Variants in ZNF551 observed in about 807,000 individuals in gnomAD.
ZNF551 encodes KOX 23 protein (56 AA).
A neutral mutation model predicts 7.9 loss-of-function variants in ZNF551; 5 were observed. The ratio of observed to expected loss-of-function variants is 0.63; its 90% CI spans 0.33 to 1.33. The LOEUF (loss-of-function observed/expected upper bound fraction) is 1.33, where lower values mean the gene tolerates loss of function less well. ZNF551 is among the 40% of genes most tolerant of loss of function. ZNF551 has a pLI of 0.05. For missense variants in ZNF551, 788 were observed against 825.2 expected, an observed-to-expected ratio of 0.95 and a Z score of 0.55; for synonymous variants, 287 against 277.3, an observed-to-expected ratio of 1.03 and a Z score of -0.35.
chr19:57,684,431 G>A (rs896927093), intron 1 of ZNF551, among the ~76,000 whole-genome samples: 2 of 152,028 alleles, frequency 1.3e-5, no homozygotes. Flanking sequence ...CAAGGGTGAA[G>A]TATGAACCAA....
At chr19:57,685,497 C>A in intron 2 of ZNF551, 112 bp downstream of exon 2, 2 of 1,527,210 alleles carry the variant, frequency 1.3e-6, no homozygotes, top group Non-Finnish European at 1.8e-6. Flanking sequence ...TTGTCTTCCC[C>A]CTGTCAGGAT....
intron 1 of ZNF551, 101 bp downstream of exon 1, chr19:57,682,345 A>T (rs1453447011): frequency 5.5e-6 from 7 of 1,276,930 alleles, no homozygotes; most frequent in Non-Finnish European, 6.4e-6. Context: ...AGGCCCCAGT[A>T]CCCTGGACAA....
In ZNF551 at chr19:57,687,326, A is replaced by G; in HGVS notation, c.1051A>G (p.Ile351Val). The G allele has an allele frequency of 6.2e-7, 1 of 1,614,232 alleles. No individual in the cohort carries two copies. Among genetic ancestry groups the G allele is most frequent in the East Asian group, 2.2e-5 (1 of 44,890 alleles). The change falls in exon 3 of 3, where the codon ATT becomes GTT. Residue 351 changes from isoleucine to valine, a missense_variant. Physicochemically the swap from Ile to Val is conservative, Grantham distance 29. Coordinates refer to ENST00000282296, the MANE Select transcript of ZNF551 (RefSeq NM_138347.5). The stretch of plus-strand genomic sequence containing the variant: ...AACCTTTAGCTACAAATCTAACCTC[A>G]TTGAACACCAGAGAGTTCACACTGG... ...RKTFSYKSNLIEHQRVHTGER... is the reference protein window; with the variant it reads ...RKTFSYKSNLVEHQRVHTGER...
In ZNF551 at chr19:57,687,952, T is replaced by C. The variant is rs1039460600; in HGVS notation, c.1677T>C (p.Tyr559=). ...HRRLHTGERP[Y]ECSECGKSFS... ...GACTTCATACTGGAGAAAGGCCTTA[T>C]GAATGTAGTGAATGTGGAAAGTCTT... is the stretch of plus-strand genomic sequence containing the variant. The change falls in exon 3 of 3, where the codon TAT becomes TAC. Residue 559 remains tyrosine (Y), a synonymous_variant. Transcript: ENST00000282296. 5 of 1,614,036 alleles carry C rather than the reference T, an allele frequency of 3.1e-6. No homozygotes were observed. The African/African-American group carries it at 5.3e-5, about 17-fold the overall frequency.
chr19:57,683,843 G>A (rs577681433), intron 1 of ZNF551, among the ~76,000 whole-genome samples: 6 of 152,244 alleles, frequency 3.9e-5, no homozygotes, highest in African/African-American at 1.2e-4. Flanking sequence ...TAGACAGGAT[G>A]ATGCTAGGAC....
rs775468058 is a variant in ZNF551 at position 57,688,044 on chromosome 19, G to C, written c.1769G>C (p.Ser590Thr). The C allele has an allele frequency of 2.5e-6, 4 of 1,614,202 alleles. No individual in the cohort carries two copies. Among genetic ancestry groups the C allele is most frequent in the Admixed American group, 3.3e-5 (2 of 60,028 alleles). Residue 590 changes from serine to threonine, a missense_variant, in exon 3 of 3, where the codon AGT (serine) becomes ACT (threonine). Coordinates refer to ENST00000282296, the MANE Select transcript of ZNF551 (RefSeq NM_138347.5). ...VHTGERPYEC[S>T]ECGKSFSQSS... Reference sequence around the variant, plus strand: ...ACTGGAGAAAGGCCTTATGAATGTAGTGAATGTGGGAAATCCTTTAGCCAG... The same window carrying C: ...ACTGGAGAAAGGCCTTATGAATGTACTGAATGTGGGAAATCCTTTAGCCAG...
chr19:57,682,014 C>T lies in ZNF551; in HGVS notation c.-150C>T, dbSNP rs921414641. The stretch of plus-strand genomic sequence containing the variant: ...GTCCTCCTCGTGGCGGTCATTTTGG[C>T]CTCTGTCCTGTTTGTCCAGCCCGCC... On this transcript the variant is annotated 5_prime_UTR_variant, in exon 1 of 3. Transcript: ENST00000282296. 14 of 800,864 alleles carry T rather than the reference C, an allele frequency of 1.7e-5. No homozygotes were observed. In the Admixed American group the frequency reaches 2.5e-4, roughly 14 times the overall value. 49.6% of individuals were successfully genotyped at this position (800,864 alleles called of 1,614,324 possible).
In ZNF551 at chr19:57,689,337, T is replaced by G. The variant is rs1370120342; in HGVS notation, c.*1049T>G. 1 of 152,158 alleles carries G rather than the reference T, an allele frequency of 6.6e-6. No individual in the cohort carries two copies. The highest frequency in any genetic ancestry group is 2.4e-5 in the African/African-American group (1 of 41,430). The allele number at this position is 152,158 out of a possible 1,614,324, so 9.4% of individuals were successfully genotyped here. A position where few individuals can be genotyped will look rare whatever the true frequency, so the allele number is the denominator to read the frequency against. ...TAGGTGTGGAGGTGAAATTACAGGT[T>G]CAACAGTAATTGGGACAGAAACTCC... On this transcript the variant is annotated 3_prime_UTR_variant, in exon 3 of 3. Transcript: ENST00000282296.
intron 1 of ZNF551, among the ~76,000 whole-genome samples, chr19:57,682,894 CG>C (rs1233219972): frequency 6.6e-6 from 1 of 152,032 alleles, no homozygotes; most frequent in African/African-American, 2.4e-5. Context: ...TGTTGGCAGC[CG>C]GGGGAAAGGA....
rs1984699643 is a variant in ZNF551, at chr19:57,689,586, C to T, written c.*1298C>T. On this transcript the variant is annotated 3_prime_UTR_variant, in exon 3 of 3. Coordinates refer to ENST00000282296, the MANE Select transcript of ZNF551 (RefSeq NM_138347.5). ...GGCCAAGGCGGGCGGATTGCCTGAG[C>T]TCAGGAGTTCAAGACCAGCCTGGGC... 1 of 152,216 alleles carries T rather than the reference C, an allele frequency of 6.6e-6. No homozygotes were observed. Among genetic ancestry groups the T allele is most frequent in the Admixed American group, 6.6e-5 (1 of 15,266 alleles). The allele number at this position is 152,216 out of a possible 1,614,324, so 9.4% of individuals were successfully genotyped here. A position where few individuals can be genotyped will look rare whatever the true frequency, so the allele number is the denominator to read the frequency against.
At chr19:57,685,434 G>C (rs750283995) in intron 2 of ZNF551, 49 bp downstream of exon 2, 30 of 1,613,360 alleles carry the variant, frequency 1.9e-5, no homozygotes, top group South Asian at 1.3e-4. Flanking sequence ...TTTGACCCCA[G>C]AGTTACCTCT....
rs914950524 is a variant in ZNF551, at chr19:57,687,888, A to G, written c.1613A>G (p.Lys538Arg). ...TRPYECSECGKSFRQRSGLIQ... is the reference protein window; with the variant it reads ...TRPYECSECGRSFRQRSGLIQ... ...CCTTATGAGTGCAGTGAATGTGGCA[A>G]ATCTTTTAGACAGCGCTCTGGCCTC... The change falls in exon 3 of 3, where the codon AAA (lysine) becomes AGA (arginine). Residue 538 changes from lysine to arginine, a missense_variant. By Grantham distance (26) the Lys-to-Arg change is conservative. Transcript: ENST00000282296. 4 of 1,614,168 alleles carry G rather than the reference A, an allele frequency of 2.5e-6. No individual in the cohort carries two copies. Among genetic ancestry groups the G allele is most frequent in the African/African-American group, 2.7e-5 (2 of 75,040 alleles).
At position 57,687,347 on chromosome 19, in the gene ZNF551, A is replaced by G; in HGVS notation, c.1072A>G (p.Thr358Ala). The part of the protein sequence containing the change: ...SNLIEHQRVH[T>A]GERPYECGEC... ...CCTCATTGAACACCAGAGAGTTCAC[A>G]CTGGAGAAAGGCCTTATGAATGTGG... Residue 358 changes from threonine to alanine, a missense_variant, in exon 3 of 3, where the codon ACT becomes GCT. By Grantham distance (58) the Thr-to-Ala change is moderately conservative. Coordinates refer to ENST00000282296, the MANE Select transcript of ZNF551 (RefSeq NM_138347.5). 1.9e-6 allele frequency: 3 copies of G among 1,614,232 alleles called. No homozygotes were observed. The highest frequency in any genetic ancestry group is 2.5e-6 in the Non-Finnish European group (3 of 1,180,038).
At position 57,688,259 on chromosome 19, in the gene ZNF551, C is replaced by T. The variant is rs35938383; in HGVS notation, c.1984C>T (p.Arg662Trp). The T allele has an allele frequency of 3.7e-4, 604 of 1,614,200 alleles. 1 individual carries two copies. In the African/African-American group the frequency reaches 5.7e-3, roughly 15 times the overall value. Residue 662 changes from arginine (R) to tryptophan (W), a missense_variant, in exon 3 of 3, where the codon CGG becomes TGG. Arg to Trp is a moderately radical substitution (Grantham distance 101). Transcript: ENST00000282296. ...FSRKSNLIRH[R>W]RVHTEERP ...CCGCAAATCTAACCTCATTCGACAT[C>T]GGAGAGTTCACACTGAAGAAAGGCC... is the stretch of plus-strand genomic sequence containing the variant.
At chr19:57,684,247 C>A (rs1984479969) in intron 1 of ZNF551, among the ~76,000 whole-genome samples, 1 of 152,188 alleles carries the variant, frequency 6.6e-6, no homozygotes, top group African/African-American at 2.4e-5. Context: ...AATTTGCCAG[C>A]CACTCTCTGG....
Position 57,686,496 on chromosome 19 carries a change from T to C in ZNF551, c.221T>C (p.Met74Thr), listed in dbSNP as rs369355983. The C allele has an allele frequency of 1.4e-5, 23 of 1,602,580 alleles. No individual in the cohort carries two copies. The highest frequency in any genetic ancestry group is 2.7e-5 in the African/African-American group (2 of 74,676). Residue 74 changes from methionine (M) to threonine (T), a missense_variant, in exon 3 of 3, where the codon ATG becomes ACG. Transcript: ENST00000282296. ...CTGCTTTCAGGTTATTGCCATGGAA[T>C]GGAGAATGAGGCGATAGCTTCTGAG... ...HVTSLGYCHGMENEAIASEQS... is the reference protein window; with the variant it reads ...HVTSLGYCHGTENEAIASEQS...
chr19:57,685,164 T>G, intron 1 of ZNF551, 98 bp from the exon 2 acceptor site: 12 of 1,534,256 alleles, frequency 7.8e-6, no homozygotes, highest in Non-Finnish European at 1.1e-5. Context: ...TTATCTCCGC[T>G]GAGGTGGGCA....
intron 1 of ZNF551, among the ~76,000 whole-genome samples, chr19:57,684,240 T>G (rs1157562769): frequency 1.3e-5 from 2 of 152,144 alleles, no homozygotes; most frequent in African/African-American, 4.8e-5. Context: ...GTATTTGAAT[T>G]TGCCAGCCAC....
chr19:57,685,158 C>G, intron 1 of ZNF551, 104 bp from the exon 2 acceptor site: 1 of 1,504,176 alleles, frequency 6.6e-7, no homozygotes, highest in South Asian at 1.3e-5. Flanking sequence ...GGCTGGTTAT[C>G]TCCGCTGAGG....
Sources: gnomAD v4.1 joint callset for allele counts (sites outside exome capture counted in the v4.1 genomes callset) on GRCh38, gnomAD v4.1.1 for gene constraint, MANE v1.5 for transcripts, NCBI Gene and HGNC (gene_info 2026-07-23, HGNC 2026-07-21) for gene names.